RIC1: variants seen among roughly 807,000 people sequenced by gnomAD.
RIC1 encodes the protein RIC1 partner of RAB6A GEF complex.
In RIC1, 88 loss-of-function variants were observed where a neutral mutation model predicts 169.0. The observed-to-expected ratio is 0.52, with a 90% CI of 0.44 to 0.62. The LOEUF is 0.62. Ranked by LOEUF, RIC1 falls within the 20% of genes least tolerant of loss-of-function variation. RIC1 has a pLI of 0.00. For missense variants in RIC1, 1,877 were observed against 1,725.5 expected, an observed-to-expected ratio of 1.09 and a Z score of -1.56; for synonymous variants, 790 against 601.5, an observed-to-expected ratio of 1.31 and a Z score of -4.59.
intron 2 of RIC1, among the ~76,000 whole-genome samples, chr9:5,687,174 G>A (rs781297252): frequency 6.6e-6 from 1 of 152,034 alleles, no homozygotes. Flanking sequence ...TCTAGAATTT[G>A]TAGTGATATC....
chr9:5,684,677 C>CT (rs1391563909), intron 2 of RIC1, among the ~76,000 whole-genome samples: 1 of 152,080 alleles, frequency 6.6e-6, no homozygotes, highest in East Asian at 1.9e-4. Flanking sequence ...AACAGTTTTA[C>CT]TTTTTCTCCC....
At chr9:5,761,455 G>A (rs6476999) in intron 17 of RIC1, among the ~76,000 whole-genome samples, 61,196 of 151,838 alleles carry the variant, frequency 0.4, 12,648 homozygotes, top group East Asian at 0.59. Context: ...TGGTACAGTC[G>A]TCTCTGATTT....
chr9:5,689,919 C>G (rs751582466), intron 2 of RIC1, 40 bp from the exon 3 acceptor site: 2 of 1,341,596 alleles, frequency 1.5e-6, no homozygotes, highest in Non-Finnish European at 2.1e-6. Context: ...CAGTTATAGC[C>G]TTACTCTTTA....
chr9:5,695,245 G>A (rs1056248075), intron 3 of RIC1, among the ~76,000 whole-genome samples: 2 of 152,150 alleles, frequency 1.3e-5, no homozygotes, highest in Admixed American at 6.5e-5. Flanking sequence ...AGAAGATACC[G>A]TGAATAAATT....
chr9:5,755,699 G>A lies in RIC1; in HGVS notation c.1693-513G>A, dbSNP rs189302183. ...GCACTTTGGGAGGCTAAGGCGGGTG[G>A]ATCACCTGAGGTCAGGAGTTCAAGA... On this transcript the variant is annotated intron_variant, in intron 15 of 25. Coordinates refer to ENST00000414202, the MANE Select transcript of RIC1 (RefSeq NM_020829.4). Among the ~76,000 whole-genome samples the A allele has an allele frequency of 3.3e-3, 508 of 152,284 alleles. 4 individuals are homozygous for A. Among genetic ancestry groups the A allele is most frequent in the Non-Finnish European group, 5.1e-3 (350 of 68,028 alleles).
At chr9:5,704,620 TTGTC>T (rs1031579484) in intron 3 of RIC1, among the ~76,000 whole-genome samples, 23 of 152,156 alleles carry the variant, frequency 1.5e-4, no homozygotes, top group East Asian at 7.7e-4. Flanking sequence ...TTTTTTCTCA[TTGTC>T]TGGGCTTTTC....
In RIC1 at chr9:5,647,689, C is replaced by T. The variant is rs147813574; in HGVS notation, c.145-8894C>T. 3.8e-4 allele frequency among the ~76,000 whole-genome samples: 58 copies of T among 152,248 alleles called. No homozygotes were observed. In the East Asian group the frequency reaches 0.01, roughly 27 times the overall value. ...TTTACATATAAGATCATGTCATCTT[C>T]AAACATATAATTTTACTTATTCATT... On this transcript the variant is annotated intron_variant, in intron 1 of 25. Transcript: ENST00000414202.
At chr9:5,681,121 C>T (rs1160508621) in intron 2 of RIC1, among the ~76,000 whole-genome samples, 8 of 152,122 alleles carry the variant, frequency 5.3e-5, no homozygotes, top group Middle Eastern at 3.4e-3. Context: ...CCACCGCGCC[C>T]GGCCGATTTT....
intron 9 of RIC1, 139 bp downstream of exon 9, chr9:5,743,152 C>T (rs984694578): frequency 7.3e-6 from 5 of 687,410 alleles, no homozygotes; most frequent in East Asian, 2.8e-5. Flanking sequence ...ATAATCTGTT[C>T]GAATATACTG....
At chr9:5,629,834 G>A (rs911940272) in intron 1 of RIC1, among the ~76,000 whole-genome samples, 4 of 152,200 alleles carry the variant, frequency 2.6e-5, no homozygotes, top group Admixed American at 2.6e-4. Context: ...CCGCTGTGGT[G>A]CCCCAACCCT....
Position 5,774,428 on chromosome 9 carries a change from A to G in RIC1, c.*182A>G, listed in dbSNP as rs1827465137. The G allele has an allele frequency of 6.0e-6, 3 of 499,170 alleles. No individual in the cohort carries two copies. Among genetic ancestry groups the G allele is most frequent in the African/African-American group, 1.9e-5 (1 of 52,408 alleles). The allele number at this position is 499,170 out of a possible 1,614,324, so 30.9% of individuals were successfully genotyped here. A position where few individuals can be genotyped will look rare whatever the true frequency, so the allele number is the denominator to read the frequency against. On this transcript the variant is annotated 3_prime_UTR_variant, in exon 26 of 26. Transcript: ENST00000414202. The stretch of plus-strand genomic sequence containing the variant: ...CTTTTTGACTCCATAAAAATGTGAT[A>G]TAAAGCATCTTTCATAAAAAAATTT...
At chr9:5,632,812 A>G (rs966582729) in intron 1 of RIC1, among the ~76,000 whole-genome samples, 2 of 152,172 alleles carry the variant, frequency 1.3e-5, no homozygotes, top group African/African-American at 2.4e-5. Flanking sequence ...TATTCCTTTA[A>G]TATACTAACT....
Position 5,754,827 on chromosome 9 carries a change from ATTTT to A in RIC1, c.1603-12_1603-9del. On this transcript the variant is annotated splice_polypyrimidine_tract_variant and intron_variant, in intron 14 of 25. Transcript: ENST00000414202. ...TAGCATAAGGTAAATTTTTTAAAAA[ATTTT>A]TATTTTAAGGAGCAAAATATGATCG... The A allele has an allele frequency of 6.6e-7, 1 of 1,521,180 alleles. No homozygotes were observed. The highest frequency in any genetic ancestry group is 8.9e-7 in the Non-Finnish European group (1 of 1,119,602). The allele number at this position is 1,521,180 out of a possible 1,614,324, so 94.2% of individuals were successfully genotyped here. A position where few individuals can be genotyped will look rare whatever the true frequency, so the allele number is the denominator to read the frequency against.
chr9:5,755,347 T>C (rs75849112), intron 15 of RIC1, among the ~76,000 whole-genome samples: 8,256 of 152,282 alleles, frequency 0.054, 698 homozygotes, highest in African/African-American at 0.18. Flanking sequence ...GAACCCTATA[T>C]AGCACTATCT....
intron 8 of RIC1, among the ~76,000 whole-genome samples, chr9:5,739,582 G>A (rs987759604): frequency 2.6e-5 from 4 of 152,208 alleles, no homozygotes; most frequent in African/African-American, 7.2e-5. Context: ...AAACAGAGGT[G>A]TTGGGAGTGG....
intron 21 of RIC1, among the ~76,000 whole-genome samples, chr9:5,766,848 G>A (rs530562717): frequency 1.3e-5 from 2 of 152,126 alleles, no homozygotes; most frequent in African/African-American, 4.8e-5. Flanking sequence ...TTTTCCTCTG[G>A]GTAGAACCCC....
intron 2 of RIC1, among the ~76,000 whole-genome samples, chr9:5,666,775 C>G (rs914329274): frequency 6.7e-6 from 1 of 149,976 alleles, no homozygotes; most frequent in Non-Finnish European, 1.5e-5. Context: ...ACTTTTGCAT[C>G]TGTATTCACA....
At chr9:5,754,784 C>G in intron 14 of RIC1, 57 bp from the exon 15 acceptor site, 1 of 1,013,628 alleles carries the variant, frequency 9.9e-7, no homozygotes, top group Non-Finnish European at 1.5e-6. Flanking sequence ...AAATATATTA[C>G]TTTGTTATAA....
intron 1 of RIC1, 138 bp downstream of exon 1, chr9:5,629,591 T>G: frequency 1.0e-6 from 1 of 989,840 alleles, no homozygotes; most frequent in Non-Finnish European, 1.4e-6. Context: ...CGCGTCCTCG[T>G]TCCACCGAAT....
Sources: allele counts gnomAD v4.1 joint callset (sites outside exome capture counted in the v4.1 genomes callset), GRCh38; gene constraint gnomAD v4.1.1; transcripts MANE v1.5; gene names NCBI Gene and HGNC (gene_info 2026-07-23, HGNC 2026-07-21).